Variants in ARK2C observed in about 807,000 individuals in gnomAD.
ARK2C encodes the protein arkadia (RNF111) C-terminal like ring finger ubiquitin ligase 2C.
the ARK2C span, among the ~76,000 whole-genome samples, chr18:46,418,238 T>C: frequency 2.6e-5 from 4 of 151,882 alleles, no homozygotes; most frequent in African/African-American, 9.7e-5. Flanking sequence ...ATGCCCATAG[T>C]CCCAGCTACT....
At chr18:46,350,922 G>A in the ARK2C span, among the ~76,000 whole-genome samples, 1 of 152,212 alleles carries the variant, frequency 6.6e-6, no homozygotes, top group African/African-American at 2.4e-5. Flanking sequence ...AGAGGGCCGG[G>A]TTTAATTTGT....
the ARK2C span, among the ~76,000 whole-genome samples, chr18:46,389,717 G>T: frequency 6.6e-6 from 1 of 151,898 alleles, no homozygotes; most frequent in African/African-American, 2.4e-5. Context: ...TCCAGGAAGT[G>T]AAATGGTCAT....
chr18:46,444,744 A>T, the ARK2C span, among the ~76,000 whole-genome samples: 1 of 151,098 alleles, frequency 6.6e-6, no homozygotes, highest in Non-Finnish European at 1.5e-5. Flanking sequence ...AAATGCTGGG[A>T]TTAGAGGCAT....
the ARK2C span, among the ~76,000 whole-genome samples, chr18:46,391,810 C>T: frequency 6.6e-6 from 1 of 151,728 alleles, no homozygotes. Flanking sequence ...TACACAACCA[C>T]AACACACATA....
chr18:46,344,351 C>T, the ARK2C span, among the ~76,000 whole-genome samples: 1 of 150,764 alleles, frequency 6.6e-6, no homozygotes, highest in Non-Finnish European at 1.5e-5. Flanking sequence ...TCCATGTCTT[C>T]CCCCTTCTCC....
At chr18:46,449,364 T>C in the ARK2C span, among the ~76,000 whole-genome samples, 2 of 152,178 alleles carry the variant, frequency 1.3e-5, no homozygotes, top group Non-Finnish European at 2.9e-5. Flanking sequence ...TATTTGACTT[T>C]AAAAAACATT....
chr18:46,435,255 C>T, the ARK2C span: 1 of 1,594,024 alleles, frequency 6.3e-7, no homozygotes, highest in Admixed American at 1.7e-5. Flanking sequence ...TGGGTAGCCC[C>T]TGACACGAGG....
At chr18:46,415,875 G>A in the ARK2C span, among the ~76,000 whole-genome samples, 47 of 152,214 alleles carry the variant, frequency 3.1e-4, no homozygotes, top group Non-Finnish European at 5.1e-4. Context: ...CTGAAGCAGA[G>A]TTCACGAGGG....
the ARK2C span, among the ~76,000 whole-genome samples, chr18:46,367,869 T>C: frequency 1.3e-5 from 2 of 152,300 alleles, no homozygotes; most frequent in African/African-American, 2.4e-5. Flanking sequence ...TTCATTGCAG[T>C]TGGTGTGGGA....
the ARK2C span, among the ~76,000 whole-genome samples, chr18:46,408,837 T>C: frequency 0.017 from 2,541 of 152,312 alleles, 39 homozygotes; most frequent in East Asian, 0.094. Context: ...TAGTCTGTGA[T>C]GAGCCTTCAT....
the ARK2C span, among the ~76,000 whole-genome samples, chr18:46,451,443 T>C: frequency 1.3e-5 from 2 of 151,904 alleles, no homozygotes; most frequent in Non-Finnish European, 2.9e-5. Flanking sequence ...CTTCAATAGA[T>C]GAAAGATAGA....
chr18:46,397,569 T>A, the ARK2C span, among the ~76,000 whole-genome samples: 1 of 106,630 alleles, frequency 9.4e-6, no homozygotes, highest in African/African-American at 4.0e-5. Flanking sequence ...GGTGTGTGTG[T>A]GTGTGTGGTC....
chr18:46,432,314 T>C, the ARK2C span, among the ~76,000 whole-genome samples: 1 of 152,260 alleles, frequency 6.6e-6, no homozygotes, highest in Non-Finnish European at 1.5e-5. Flanking sequence ...TGTTTGCTTT[T>C]AAATAAATGA....
At chr18:46,361,611 T>C in the ARK2C span, among the ~76,000 whole-genome samples, 2 of 152,238 alleles carry the variant, frequency 1.3e-5, no homozygotes, top group Non-Finnish European at 2.9e-5. Context: ...CTTGTTAATG[T>C]TCTTCTCAGT....
At chr18:46,448,804 C>G in the ARK2C span, among the ~76,000 whole-genome samples, 1 of 152,158 alleles carries the variant, frequency 6.6e-6, no homozygotes, top group Non-Finnish European at 1.5e-5. Context: ...TGAAGATATT[C>G]CATGAAAGCA....
chr18:46,449,891 C>A, the ARK2C span, among the ~76,000 whole-genome samples: 3 of 152,138 alleles, frequency 2.0e-5, no homozygotes, highest in Non-Finnish European at 4.4e-5. Flanking sequence ...ACTCTGCCAC[C>A]CAACTGCCTG....
At chr18:46,355,766 C>T in the ARK2C span, among the ~76,000 whole-genome samples, 1 of 152,228 alleles carries the variant, frequency 6.6e-6, no homozygotes, top group East Asian at 1.9e-4. Context: ...TGCACACATG[C>T]CCCCTCAAGA....
At chr18:46,369,350 A>G in the ARK2C span, among the ~76,000 whole-genome samples, 59,294 of 150,652 alleles carry the variant, frequency 0.39, 14,530 homozygotes, top group African/African-American at 0.69. Flanking sequence ...CTGAGCAGAG[A>G]GTGTTGTAGA....
At chr18:46,410,762 T>C in the ARK2C span, among the ~76,000 whole-genome samples, 121 of 152,348 alleles carry the variant, frequency 7.9e-4, no homozygotes, top group African/African-American at 2.7e-3. Flanking sequence ...TTCCTCTTGT[T>C]CTCATTGGTT....
Sources: allele counts gnomAD v4.1 joint callset (sites outside exome capture counted in the v4.1 genomes callset), GRCh38; gene constraint gnomAD v4.1.1; transcripts MANE v1.5; gene names NCBI Gene and HGNC (gene_info 2026-07-23, HGNC 2026-07-21).